The following DRC5 variants were observed in gnomAD, a reference collection of about 807,000 sequenced individuals.
DRC5 encodes the protein dynein regulatory complex subunit 5.
the DRC5 span, chr6:44,297,624 G>A: frequency 6.6e-6 from 1 of 152,252 alleles, no homozygotes; most frequent in Non-Finnish European, 1.5e-5. Flanking sequence ...AGGGAGACCG[G>A]GGCTGGGTGT....
the DRC5 span, chr6:44,282,002 G>T: frequency 9.6e-7 from 1 of 1,045,286 alleles, no homozygotes; most frequent in Non-Finnish European, 1.4e-6. Flanking sequence ...GTGCATACTT[G>T]ATGCAGTATG....
the DRC5 span, among the ~76,000 whole-genome samples, chr6:44,283,342 G>GCAAGAA: frequency 0.04 from 6,044 of 152,232 alleles, 221 homozygotes; most frequent in East Asian, 0.18. Context: ...GAAGGAGGTT[G>GCAAGAA]CCAGGGCAAG....
chr6:44,282,428 A>T, the DRC5 span: 3 of 1,613,754 alleles, frequency 1.9e-6, no homozygotes, highest in Non-Finnish European at 1.7e-6. Flanking sequence ...GCTTGGCAGC[A>T]CCTCGTGCAC....
the DRC5 span, among the ~76,000 whole-genome samples, chr6:44,295,304 A>T: frequency 6.6e-6 from 1 of 152,072 alleles, no homozygotes; most frequent in African/African-American, 2.4e-5. Flanking sequence ...GGAAAGTGGG[A>T]GAGTGGGGAC....
At chr6:44,283,215 T>C in the DRC5 span, among the ~76,000 whole-genome samples, 1 of 152,164 alleles carries the variant, frequency 6.6e-6, no homozygotes, top group Non-Finnish European at 1.5e-5. Context: ...CCCAGAGTAA[T>C]GCAGTGATTG....
the DRC5 span, among the ~76,000 whole-genome samples, chr6:44,291,526 T>C: frequency 6.6e-6 from 1 of 152,232 alleles, no homozygotes; most frequent in Non-Finnish European, 1.5e-5. Context: ...GGACACCCTT[T>C]GGCGTGCCAC....
the DRC5 span, among the ~76,000 whole-genome samples, chr6:44,294,790 AAAAG>A: frequency 4.7e-4 from 71 of 150,178 alleles, no homozygotes; most frequent in East Asian, 2.6e-3. Flanking sequence ...AAAAAAAAAA[AAAAG>A]AAAGAAAGAA....
At chr6:44,280,970 T>C in the DRC5 span, among the ~76,000 whole-genome samples, 1 of 152,200 alleles carries the variant, frequency 6.6e-6, no homozygotes, top group South Asian at 2.1e-4. Flanking sequence ...GCTTAAGCCA[T>C]TTCTGATTAA....
the DRC5 span, among the ~76,000 whole-genome samples, chr6:44,291,912 C>T: frequency 7.9e-5 from 12 of 152,172 alleles, no homozygotes; most frequent in South Asian, 2.5e-3. Context: ...GCCCTCCCGC[C>T]CCACCCCACC....
At chr6:44,291,922 C>T in the DRC5 span, among the ~76,000 whole-genome samples, 2 of 152,032 alleles carry the variant, frequency 1.3e-5, no homozygotes, top group East Asian at 3.9e-4. Flanking sequence ...CCCACCCCAC[C>T]ATCTAGTTAC....
At chr6:44,280,130 G>A in the DRC5 span, 1 of 1,506,366 alleles carries the variant, frequency 6.6e-7, no homozygotes, top group Non-Finnish European at 9.2e-7. Flanking sequence ...AGGCATGGCA[G>A]GGGTATGAAA....
chr6:44,283,154 G>A, the DRC5 span, among the ~76,000 whole-genome samples: 2 of 152,152 alleles, frequency 1.3e-5, no homozygotes, highest in Non-Finnish European at 2.9e-5. Context: ...CGATGAAGAA[G>A]AGAAAGTTCT....
At chr6:44,284,476 C>T in the DRC5 span, among the ~76,000 whole-genome samples, 1 of 152,132 alleles carries the variant, frequency 6.6e-6, no homozygotes, top group Non-Finnish European at 1.5e-5. Flanking sequence ...CACATTCCCA[C>T]ATTCAATTCA....
the DRC5 span, chr6:44,282,191 G>A: frequency 1.9e-6 from 3 of 1,614,184 alleles, no homozygotes; most frequent in South Asian, 3.3e-5. Flanking sequence ...GTGTGGCGGT[G>A]GGCTCAGACA....
chr6:44,292,519 C>T, the DRC5 span, among the ~76,000 whole-genome samples: 1 of 152,172 alleles, frequency 6.6e-6, no homozygotes, highest in Admixed American at 6.6e-5. Flanking sequence ...CTGTCTCCTC[C>T]TCATTTTTGT....
chr6:44,286,796 T>A, the DRC5 span, among the ~76,000 whole-genome samples: 166 of 152,346 alleles, frequency 1.1e-3, 1 homozygote, highest in Middle Eastern at 6.8e-3. Context: ...CAGGTCCAAC[T>A]CTCAATTATC....
the DRC5 span, chr6:44,286,553 G>C: frequency 6.3e-7 from 1 of 1,592,024 alleles, no homozygotes. Flanking sequence ...AGAGGAAGGA[G>C]CGCAGGGGGT....
the DRC5 span, among the ~76,000 whole-genome samples, chr6:44,281,906 G>C: frequency 2.6e-5 from 4 of 152,154 alleles, no homozygotes; most frequent in Non-Finnish European, 4.4e-5. Flanking sequence ...ATATATTTAG[G>C]GTTAAATATG....
At chr6:44,293,868 T>C in the DRC5 span, among the ~76,000 whole-genome samples, 1 of 152,266 alleles carries the variant, frequency 6.6e-6, no homozygotes, top group Non-Finnish European at 1.5e-5. Flanking sequence ...ATATCAATAC[T>C]TGTATGCCTA....
Sources: allele counts gnomAD v4.1 joint callset (sites outside exome capture counted in the v4.1 genomes callset), GRCh38; gene constraint gnomAD v4.1.1; transcripts MANE v1.5; gene names NCBI Gene and HGNC (gene_info 2026-07-23, HGNC 2026-07-21).